The following NECAB1 variants were observed in gnomAD, a reference collection of about 807,000 sequenced individuals.
NECAB1 encodes the protein N-terminal EF-hand calcium-binding protein 1.
In NECAB1, 29 loss-of-function variants were observed where a neutral mutation model predicts 57.5. The ratio of observed to expected loss-of-function variants is 0.50; its 90% confidence interval spans 0.38 to 0.69. The LOEUF is 0.69. Among genes scored for constraint, NECAB1 ranks in the 30% least tolerant of loss-of-function variants. NECAB1 has a pLI of 0.00. For synonymous variants in NECAB1, 142 were observed against 147.7 expected, an observed-to-expected ratio of 0.96 and a Z score of 0.28; for missense variants, 372 against 413.8, an observed-to-expected ratio of 0.90 and a Z score of 0.88.
chr8:90,907,139 T>TGAGAGA (rs1287665534), intron 5 of NECAB1, among the ~76,000 whole-genome samples: 2 of 123,684 alleles, frequency 1.6e-5, no homozygotes, highest in East Asian at 2.8e-4. Context: ...TGTGTGTGTG[T>TGAGAGA]GTGTGTGTGT....
At position 90,855,400 on chromosome 8, in the gene NECAB1, G is replaced by A. The variant is rs957178418; in HGVS notation, c.234-16728G>A. Among the ~76,000 whole-genome samples, 7 of 152,316 alleles carry A rather than the reference G, an allele frequency of 4.6e-5. 1 individual carries two copies. The South Asian group carries it at 6.2e-4, about 14-fold the overall frequency. ...TACTCATTACACTATTCTTTTAGGAGTCTTTGGATGTTCAAATGTGCAGAT... is the reference window on the plus strand; with the variant it reads ...TACTCATTACACTATTCTTTTAGGAATCTTTGGATGTTCAAATGTGCAGAT... On this transcript the variant is annotated intron_variant, in intron 3 of 12. Coordinates refer to ENST00000417640, the MANE Select transcript of NECAB1 (RefSeq NM_022351.5).
At chr8:90,920,963 G>C (rs369945966) in intron 6 of NECAB1, among the ~76,000 whole-genome samples, 2 of 152,170 alleles carry the variant, frequency 1.3e-5, no homozygotes, top group Admixed American at 1.3e-4. Flanking sequence ...GTCATCTGGG[G>C]TTCAGAAAGA....
At chr8:90,879,234 G>A (rs1490982299) in intron 4 of NECAB1, among the ~76,000 whole-genome samples, 1 of 146,404 alleles carries the variant, frequency 6.8e-6, no homozygotes, top group African/African-American at 2.5e-5. Flanking sequence ...TGTAGCCCAG[G>A]CTGGAGTGCA....
chr8:90,820,554 T>C (rs1812127678), intron 2 of NECAB1, among the ~76,000 whole-genome samples: 1 of 151,902 alleles, frequency 6.6e-6, no homozygotes, highest in Admixed American at 6.6e-5. Flanking sequence ...ATAATCATTT[T>C]AAATGCTCAC....
chr8:90,852,065 A>T (rs1812693881), intron 3 of NECAB1, among the ~76,000 whole-genome samples: 3 of 152,074 alleles, frequency 2.0e-5, no homozygotes, highest in African/African-American at 7.2e-5. Context: ...TTTTAATTTT[A>T]TTTAGAAAGT....
intron 10 of NECAB1, among the ~76,000 whole-genome samples, chr8:90,949,144 CTT>C (rs1491495899): frequency 5.0e-5 from 6 of 120,998 alleles, no homozygotes; most frequent in African/African-American, 1.3e-4. Context: ...ACAACAGGCA[CTT>C]TGTGTGTGTG....
chr8:90,830,120 G>A (rs1360655615), intron 3 of NECAB1, among the ~76,000 whole-genome samples: 9 of 152,026 alleles, frequency 5.9e-5, no homozygotes, highest in African/African-American at 1.9e-4. Flanking sequence ...GCTGTGGGCA[G>A]TAGAAAAAGA....
chr8:90,872,284 C>A, intron 4 of NECAB1, 131 bp downstream of exon 4: 2 of 709,360 alleles, frequency 2.8e-6, no homozygotes, highest in Non-Finnish European at 2.2e-6. Flanking sequence ...TAATCGAGAT[C>A]TCAAGGGATT....
At chr8:90,792,909 T>C (rs575229896) in intron 1 of NECAB1, among the ~76,000 whole-genome samples, 7 of 152,282 alleles carry the variant, frequency 4.6e-5, no homozygotes, top group African/African-American at 1.7e-4. Context: ...TCCCAGCCCC[T>C]CAGTTGTCAC....
At chr8:90,853,916 AG>A (rs1487050277) in intron 3 of NECAB1, among the ~76,000 whole-genome samples, 1 of 131,738 alleles carries the variant, frequency 7.6e-6, no homozygotes, top group Non-Finnish European at 1.5e-5. Flanking sequence ...TAGCTACATA[AG>A]GGAAAACAGG....
At chr8:90,797,080 C>T (rs1177375433) in intron 1 of NECAB1, among the ~76,000 whole-genome samples, 1 of 152,184 alleles carries the variant, frequency 6.6e-6, no homozygotes, top group Admixed American at 6.5e-5. Context: ...TGACTCTCAG[C>T]TGGGGCTCCA....
chr8:90,825,558 C>A (rs76032752), intron 3 of NECAB1, among the ~76,000 whole-genome samples: 3,992 of 151,886 alleles, frequency 0.026, 91 homozygotes, highest in Non-Finnish European at 0.044. Context: ...GTCTTCAGAC[C>A]TATCAGTGTG....
chr8:90,939,725 G>T (rs923373066), intron 9 of NECAB1, among the ~76,000 whole-genome samples: 3 of 152,088 alleles, frequency 2.0e-5, no homozygotes, highest in African/African-American at 7.2e-5. Context: ...CATGTGCTTT[G>T]GTTAGTCCAA....
At chr8:90,947,281 T>C (rs1457066551) in intron 10 of NECAB1, among the ~76,000 whole-genome samples, 1 of 102,868 alleles carries the variant, frequency 9.7e-6, no homozygotes, top group Non-Finnish European at 1.7e-5. Context: ...ACTTTCCTTT[T>C]AGCTATTGGG....
Position 90,872,249 on chromosome 8 carries a change from T to C in NECAB1, c.259+96T>C, listed in dbSNP as rs1808634734. Reference sequence around the variant, plus strand: ...TATCAACCTTGGAATTAATGTTGTATATTAGGAGTTCACAAAGGAAAAATT... The same window carrying C: ...TATCAACCTTGGAATTAATGTTGTACATTAGGAGTTCACAAAGGAAAAATT... On this transcript the variant is annotated intron_variant, in intron 4 of 12. Coordinates refer to ENST00000417640, the MANE Select transcript of NECAB1 (RefSeq NM_022351.5). 4 of 967,144 alleles carry C rather than the reference T, an allele frequency of 4.1e-6. No individual in the cohort carries two copies. The South Asian group carries it at 7.3e-5, about 18-fold the overall frequency. The allele number at this position is 967,144 out of a possible 1,614,324, so 59.9% of individuals were successfully genotyped here.
chr8:90,832,368 A>C (rs948959954), intron 3 of NECAB1, among the ~76,000 whole-genome samples: 3 of 152,172 alleles, frequency 2.0e-5, no homozygotes, highest in African/African-American at 4.8e-5. Context: ...AACAAGCCAA[A>C]TTCTGCCTCA....
chr8:90,811,789 A>G (rs574669639), intron 2 of NECAB1, among the ~76,000 whole-genome samples: 3 of 152,298 alleles, frequency 2.0e-5, no homozygotes, highest in South Asian at 4.1e-4. Flanking sequence ...CCATCCCACC[A>G]GTTCAACAGG....
rs551706647 is a variant in NECAB1 at position 90,824,897 on chromosome 8, G to T, written c.233+72G>T. The T allele has an allele frequency of 3.6e-5, 26 of 732,374 alleles. 1 individual carries two copies. Among genetic ancestry groups the T allele is most frequent in the East Asian group, 9.1e-5 (3 of 32,814 alleles). 45.4% of individuals were successfully genotyped at this position (732,374 alleles called of 1,614,324 possible). A position where few individuals can be genotyped will look rare whatever the true frequency, so the allele number is the denominator to read the frequency against. On this transcript the variant is annotated intron_variant, in intron 3 of 12. Coordinates refer to ENST00000417640, the MANE Select transcript of NECAB1 (RefSeq NM_022351.5). Reference sequence around the variant, plus strand: ...GCGTGAATGCATTCATGTCCAGGAAGAAGAAAGGGAAGAACAATATAGAGG... The same window carrying T: ...GCGTGAATGCATTCATGTCCAGGAATAAGAAAGGGAAGAACAATATAGAGG...
chr8:90,794,829 C>T (rs1811634179), intron 1 of NECAB1, among the ~76,000 whole-genome samples: 1 of 152,142 alleles, frequency 6.6e-6, no homozygotes, highest in South Asian at 2.1e-4. Flanking sequence ...TAGCTAAATC[C>T]ACAAACTGAT....
Sources: gnomAD v4.1 joint callset for allele counts (sites outside exome capture counted in the v4.1 genomes callset) on GRCh38, gnomAD v4.1.1 for gene constraint, MANE v1.5 for transcripts, NCBI Gene and HGNC (gene_info 2026-07-23, HGNC 2026-07-21) for gene names.